Variants in ANKS1B observed in about 807,000 individuals in gnomAD.
ANKS1B encodes ankyrin repeat and sterile alpha motif domain containing 1B, also known as ankyrin repeat and sterile alpha motif domain-containing protein 1B.
ANKS1B carries 36 observed loss-of-function variants against 148.3 expected under a neutral mutation model. The observed-to-expected ratio is 0.24, with a 90% CI of 0.19 to 0.32. ANKS1B has a LOEUF of 0.32. Among genes scored for constraint, ANKS1B ranks in the 10% least tolerant of loss-of-function variants. The pLI, the probability that ANKS1B is intolerant of heterozygous loss-of-function variation, is 1.00. For synonymous variants in ANKS1B, 542 were observed against 560.8 expected (o/e 0.97, Z 0.47); for missense variants, 1,157 against 1,542.6 (o/e 0.75, Z 4.19).
At chr12:99,401,459 T>G (rs1335661275) in intron 11 of ANKS1B, among the ~76,000 whole-genome samples, 1 of 146,412 alleles carries the variant, frequency 6.8e-6, no homozygotes, top group East Asian at 1.9e-4. Flanking sequence ...TCAAGCCAAA[T>G]GATATATATG....
intron 1 of ANKS1B, among the ~76,000 whole-genome samples, chr12:99,920,268 T>A (rs2094311588): frequency 6.6e-6 from 1 of 152,102 alleles, no homozygotes; most frequent in Admixed American, 6.6e-5. Flanking sequence ...GCGAAAAATG[T>A]CCCTCAAGGA....
At chr12:98,923,726 A>G (rs1178220542) in intron 17 of ANKS1B, among the ~76,000 whole-genome samples, 3 of 152,206 alleles carry the variant, frequency 2.0e-5, no homozygotes, top group African/African-American at 7.2e-5. Flanking sequence ...TTCTCCACCT[A>G]ACTTTGACAA....
At chr12:98,741,351 A>C (rs1046429083), downstream of ANKS1B, among the ~76,000 whole-genome samples, 15 of 152,196 alleles carry the variant, frequency 9.9e-5, no homozygotes, top group Admixed American at 1.3e-4. Context: ...AAGCTACTGA[A>C]CAAGTTCACA....
Position 99,759,660 on chromosome 12 carries a change from T to C in ANKS1B, c.1128+13262A>G, listed in dbSNP as rs116224411. Among the ~76,000 whole-genome samples, 1,414 of 152,070 alleles carry C rather than the reference T, an allele frequency of 9.3e-3. 26 individuals carry two copies. The highest frequency in any genetic ancestry group is 0.032 in the African/African-American group (1,346 of 41,536). On this transcript the variant is annotated intron_variant, in intron 8 of 26. Coordinates refer to ENST00000683438, the MANE Select transcript of ANKS1B (RefSeq NM_001352186.2). ...TTAAATACTGGCAAGCTGTCCAAGG[T>C]CTTCACTCAAAAAGAGAGCCAAGAA...
At chr12:99,953,662 G>A (rs191642604) in intron 1 of ANKS1B, among the ~76,000 whole-genome samples, 2 of 152,024 alleles carry the variant, frequency 1.3e-5, no homozygotes, top group African/African-American at 2.4e-5. Flanking sequence ...GCAAAGATGA[G>A]GAAAATCAAA....
intron 26 of ANKS1B, among the ~76,000 whole-genome samples, chr12:98,748,420 G>A (rs558428006): frequency 8.5e-5 from 13 of 152,270 alleles, no homozygotes; most frequent in African/African-American, 2.9e-4. Context: ...TCTCAGGAAC[G>A]GCCCTCAGGT....
chr12:99,143,179 T>C (rs915231510), intron 15 of ANKS1B, among the ~76,000 whole-genome samples: 8 of 152,126 alleles, frequency 5.3e-5, no homozygotes, highest in Non-Finnish European at 1.2e-4. Context: ...TGAATTCTAA[T>C]TATCTTTGCT....
At chr12:99,152,833 GT>G (rs2075300206) in intron 15 of ANKS1B, among the ~76,000 whole-genome samples, 1 of 152,094 alleles carries the variant, frequency 6.6e-6, no homozygotes. Context: ...CTTCAATTCT[GT>G]TTGATAGTTC....
chr12:99,500,678 C>T (rs2096646655), intron 10 of ANKS1B, among the ~76,000 whole-genome samples: 1 of 152,104 alleles, frequency 6.6e-6, no homozygotes, highest in Admixed American at 6.6e-5. Context: ...TAAGTACTCC[C>T]CCATTTTTGC....
intron 8 of ANKS1B, among the ~76,000 whole-genome samples, chr12:99,762,118 C>T (rs1197344474): frequency 1.3e-5 from 2 of 152,068 alleles, no homozygotes; most frequent in South Asian, 2.1e-4. Context: ...AATGTCCACA[C>T]TACCCAAAGC....
At chr12:99,055,681 A>G (rs890318037) in intron 16 of ANKS1B, among the ~76,000 whole-genome samples, 4 of 148,398 alleles carry the variant, frequency 2.7e-5, no homozygotes, top group African/African-American at 7.5e-5. Flanking sequence ...ATTTAGAATC[A>G]GAAGAGAGAA....
rs141365338 is a variant in ANKS1B, at chr12:99,553,838, A to G, written c.1273-49197T>C. ...ACCCGAGGCCTTTAGGGCCAGAATTAGTCAGGTGGCCGAAGACTGTCCAAT... is the reference window on the plus strand; with the variant it reads ...ACCCGAGGCCTTTAGGGCCAGAATTGGTCAGGTGGCCGAAGACTGTCCAAT... On this transcript the variant is annotated intron_variant, in intron 9 of 26. Transcript: ENST00000683438. 1.8e-3 allele frequency among the ~76,000 whole-genome samples: 278 copies of G among 152,288 alleles called. 1 individual carries two copies. Among genetic ancestry groups the G allele is most frequent in the Admixed American group, 8.9e-3 (136 of 15,288 alleles).
At chr12:99,901,308 T>C (rs2093590858) in intron 1 of ANKS1B, among the ~76,000 whole-genome samples, 1 of 152,208 alleles carries the variant, frequency 6.6e-6, no homozygotes, top group Non-Finnish European at 1.5e-5. Flanking sequence ...AATATTATCA[T>C]ATTCTCACAA....
At chr12:99,311,330 G>A (rs1347074987) in intron 12 of ANKS1B, among the ~76,000 whole-genome samples, 1 of 152,080 alleles carries the variant, frequency 6.6e-6, no homozygotes, top group Non-Finnish European at 1.5e-5. Flanking sequence ...TAGACTCTGT[G>A]GGTGAGTGGG....
intron 10 of ANKS1B, among the ~76,000 whole-genome samples, chr12:99,503,359 A>G (rs2153002679): frequency 6.6e-6 from 1 of 152,312 alleles, no homozygotes; most frequent in Admixed American, 6.5e-5. Context: ...TTGAAAATAA[A>G]TATTTCAGAA....
At chr12:99,443,155 A>G (rs182708175) in intron 11 of ANKS1B, among the ~76,000 whole-genome samples, 97 of 152,104 alleles carry the variant, frequency 6.4e-4, no homozygotes, top group African/African-American at 2.3e-3. Flanking sequence ...AACAAAGGAT[A>G]AAGAGAGACT....
chr12:99,716,166 G>A (rs190194256), intron 8 of ANKS1B, among the ~76,000 whole-genome samples: 84 of 151,272 alleles, frequency 5.6e-4, no homozygotes, highest in Admixed American at 2.0e-3. Flanking sequence ...TCCGTGCCCC[G>A]ACCTCTTATC....
At chr12:99,299,575 T>TGTTGCTTTC (rs1383243488) in intron 12 of ANKS1B, among the ~76,000 whole-genome samples, 3 of 152,202 alleles carry the variant, frequency 2.0e-5, no homozygotes, top group Non-Finnish European at 4.4e-5. Flanking sequence ...GCTTCTATCC[T>TGTTGCTTTC]GTTGCTTTCC....
chr12:99,527,819 A>G (rs906497160), intron 9 of ANKS1B, among the ~76,000 whole-genome samples: 3 of 152,128 alleles, frequency 2.0e-5, no homozygotes, highest in Non-Finnish European at 4.4e-5. Context: ...ATTAAAATGT[A>G]TCAAACCACC....
Sources: gnomAD v4.1 joint callset for allele counts (sites outside exome capture counted in the v4.1 genomes callset) on GRCh38, gnomAD v4.1.1 for gene constraint, MANE v1.5 for transcripts, NCBI Gene and HGNC (gene_info 2026-07-23, HGNC 2026-07-21) for gene names.